BTD: variants seen among roughly 807,000 people sequenced by gnomAD.
The protein encoded by BTD is biotinidase.
In BTD, 13 loss-of-function variants were observed where a neutral mutation model predicts 17.7. The observed-to-expected ratio is 0.74, with a 90% CI of 0.48 to 1.17. The LOEUF (loss-of-function observed/expected upper bound fraction) is 1.17. Among genes scored for constraint, BTD ranks in the 50% most tolerant of loss-of-function variants. The pLI, the probability that BTD is intolerant of heterozygous loss-of-function variation, is 0.00. For synonymous variants in BTD, 240 were observed against 245.2 expected (o/e 0.98, Z 0.20); for missense variants, 674 against 650.4 (o/e 1.04, Z -0.39).
chr3:15,621,619 G>A (rs1238568722), intron 1 of BTD, among the ~76,000 whole-genome samples: 1 of 150,830 alleles, frequency 6.6e-6, no homozygotes, highest in Admixed American at 6.6e-5. Context: ...TTTCCTTTGA[G>A]ATGGAGTTTC....
chr3:15,695,307 T>A, intron 3 of BTD: 1 of 920,572 alleles, frequency 1.1e-6, no homozygotes, highest in South Asian at 1.6e-5. Flanking sequence ...ACTTTTACCC[T>A]AAACCCGTGC....
chr3:15,717,984 A>G (rs2470518), intron 4 of BTD, among the ~76,000 whole-genome samples: 102,010 of 152,040 alleles, frequency 0.67, 34,694 homozygotes, highest in East Asian at 0.91. Context: ...GAAAAAAGAG[A>G]TAATATGGTA....
intron 1 of BTD, among the ~76,000 whole-genome samples, chr3:15,603,631 T>G (rs528564318): frequency 1.3e-5 from 2 of 152,246 alleles, no homozygotes; most frequent in East Asian, 3.9e-4. Context: ...CACTCCAGCC[T>G]GGGGGACAGA....
At chr3:15,689,932 C>T in intron 3 of BTD, 1 of 1,180,612 alleles carries the variant, frequency 8.5e-7, no homozygotes, top group Non-Finnish European at 1.2e-6. Context: ...ATTTTAAAGA[C>T]AATTAACTGG....
chr3:15,630,822 C>T (rs1403774338), intron 1 of BTD, among the ~76,000 whole-genome samples: 1 of 152,148 alleles, frequency 6.6e-6, no homozygotes, highest in Non-Finnish European at 1.5e-5. Context: ...TTGAACTTTC[C>T]GAATGAGACA....
At chr3:15,680,348 C>T (rs1166051047) in intron 3 of BTD, among the ~76,000 whole-genome samples, 6 of 151,958 alleles carry the variant, frequency 3.9e-5, no homozygotes, top group African/African-American at 7.2e-5. Context: ...GGACTACAGG[C>T]GCCCACCACC....
At chr3:15,658,401 G>C (rs1575040136), downstream of BTD, among the ~76,000 whole-genome samples, 1 of 152,214 alleles carries the variant, frequency 6.6e-6, no homozygotes, top group South Asian at 2.1e-4. Flanking sequence ...GTGACGCCAT[G>C]CTGCCCCACA....
chr3:15,672,814 C>T (rs2066514518), intron 3 of BTD, among the ~76,000 whole-genome samples: 1 of 152,202 alleles, frequency 6.6e-6, no homozygotes, highest in African/African-American at 2.4e-5. Flanking sequence ...CTGGCTCTGT[C>T]ACCCAGGCTA....
chr3:15,611,058 C>G (rs2064612438), intron 1 of BTD, among the ~76,000 whole-genome samples: 2 of 151,716 alleles, frequency 1.3e-5, no homozygotes, highest in South Asian at 4.2e-4. Flanking sequence ...ACATATTTAT[C>G]TGAAAGTTAA....
intron 3 of BTD, among the ~76,000 whole-genome samples, chr3:15,664,974 A>G (rs765348812): frequency 5.9e-5 from 9 of 152,186 alleles, no homozygotes; most frequent in Non-Finnish European, 8.8e-5. Context: ...GTTTACCTAT[A>G]TAACAAACCT....
intron 1 of BTD, among the ~76,000 whole-genome samples, chr3:15,602,783 A>G (rs2064308649): frequency 6.6e-6 from 1 of 151,874 alleles, no homozygotes; most frequent in South Asian, 2.1e-4. Context: ...CAACCCCTCA[A>G]CCCCACCCCA....
Position 15,690,398 on chromosome 3 carries a change from G to T in BTD, c.400-19662G>T, listed in dbSNP as rs144213579. ...ACAGATCTTTCTAATAATCAACATA[G>T]TAGGCTACTGTGTTAGGGAACAGGC... On this transcript the variant is annotated intron_variant, in intron 3 of 3. Transcript: ENST00000672141. 4.3e-3 allele frequency among the ~76,000 whole-genome samples: 662 copies of T among 152,228 alleles called. 8 individuals carry two copies. Among genetic ancestry groups the T allele is most frequent in the African/African-American group, 0.014 (594 of 41,542 alleles).
At chr3:15,708,032 T>C (rs755191183) in intron 3 of BTD, 6 of 1,609,938 alleles carry the variant, frequency 3.7e-6, no homozygotes, top group Non-Finnish European at 2.5e-6. Flanking sequence ...GCACTGGTAA[T>C]TGCAGTTGGC....
At chr3:15,643,040 AAAAATAAAAT>A (rs1286583631) in intron 3 of BTD, among the ~76,000 whole-genome samples, 1 of 130,110 alleles carries the variant, frequency 7.7e-6, no homozygotes, top group African/African-American at 3.2e-5. Context: ...AAAAAAAAAA[AAAAATAAAAT>A]AAAATAAAGA....
exon 4 of BTD, chr3:15,711,378 A>G: frequency 1.1e-6 from 1 of 924,762 alleles, no homozygotes; most frequent in Non-Finnish European, 1.7e-6. Context: ...AATCCCAAAC[A>G]AAACTATGGG....
Position 15,610,617 on chromosome 3 carries a change from C to T in BTD, c.-17+8723C>T, listed in dbSNP as rs190833628. ...ATTTATGGGAGTATTTCTGTACTCT[C>T]TGTTCTTTTCCTATCCTAACACCAA... On this transcript the variant is annotated intron_variant, in intron 1 of 3. Coordinates refer to ENST00000643237, the MANE Select transcript of BTD (RefSeq NM_001370658.1). Among the ~76,000 whole-genome samples, 55 of 152,330 alleles carry T rather than the reference C, an allele frequency of 3.6e-4. No homozygotes were observed. The East Asian group carries it at 0.01, about 29-fold the overall frequency.
chr3:15,619,347 G>T (rs1157897153), intron 1 of BTD, among the ~76,000 whole-genome samples: 2 of 152,036 alleles, frequency 1.3e-5, no homozygotes, highest in African/African-American at 2.4e-5. Context: ...TTGAGACAGG[G>T]TATCACTCTG....
rs186222766 is a variant in BTD at position 15,639,897 on chromosome 3, G to T, written c.250-2011G>T. ...GTCCAAAGCGGGCGGATCACTTGAGGTCAGGAGTTTGAGACCAGCCTGATG... is the reference window on the plus strand; with the variant it reads ...GTCCAAAGCGGGCGGATCACTTGAGTTCAGGAGTTTGAGACCAGCCTGATG... On this transcript the variant is annotated intron_variant, in intron 2 of 3. Coordinates refer to ENST00000643237, the MANE Select transcript of BTD (RefSeq NM_001370658.1). Among the ~76,000 whole-genome samples the T allele has an allele frequency of 9.9e-5, 15 of 152,216 alleles. No individual in the cohort carries two copies. In the East Asian group the frequency reaches 2.9e-3, roughly 29 times the overall value.
chr3:15,719,388 T>C (rs1351773356), intron 4 of BTD, among the ~76,000 whole-genome samples: 3 of 152,186 alleles, frequency 2.0e-5, no homozygotes, highest in Non-Finnish European at 4.4e-5. Context: ...GTTTTCTTCA[T>C]ACCACCAGAT....
Sources: allele counts gnomAD v4.1 joint callset (sites outside exome capture counted in the v4.1 genomes callset), GRCh38; gene constraint gnomAD v4.1.1; transcripts MANE v1.5; gene names NCBI Gene and HGNC (gene_info 2026-07-23, HGNC 2026-07-21).